The following LHFPL3 variants were observed in gnomAD, a reference collection of about 807,000 sequenced individuals.
LHFPL3 encodes LHFPL tetraspan subfamily member 3 protein.
In LHFPL3, 5 loss-of-function variants were observed where a neutral mutation model predicts 19.3. The observed-to-expected ratio is 0.26, with a 90% CI of 0.14 to 0.54. The LOEUF is 0.54. LHFPL3 is among the 20% of genes least tolerant of loss of function. The pLI, the probability that LHFPL3 is intolerant of heterozygous loss-of-function variation, is 0.94. For missense variants in LHFPL3, 249 were observed against 307.4 expected (o/e 0.81, Z 1.42); for synonymous variants, 133 against 126.2 (o/e 1.05, Z -0.36).
intron 2 of LHFPL3, among the ~76,000 whole-genome samples, chr7:104,903,110 T>G (rs1339923365): frequency 6.6e-6 from 1 of 152,110 alleles, no homozygotes; most frequent in Non-Finnish European, 1.5e-5. Context: ...CTAAAGTCCT[T>G]CCAACACTCA....
At chr7:104,658,091 G>A (rs1310122163) in intron 1 of LHFPL3, among the ~76,000 whole-genome samples, 1 of 152,154 alleles carries the variant, frequency 6.6e-6, no homozygotes, top group Non-Finnish European at 1.5e-5. Context: ...GTAAAATTAT[G>A]GAGAGCTTTC....
intron 1 of LHFPL3, among the ~76,000 whole-genome samples, chr7:104,366,256 G>A (rs1004480248): frequency 2.6e-5 from 4 of 152,190 alleles, no homozygotes; most frequent in South Asian, 4.2e-4. Flanking sequence ...ACCTGTGAGT[G>A]ATTGAAATGG....
At chr7:104,474,131 C>A (rs187197870) in intron 1 of LHFPL3, among the ~76,000 whole-genome samples, 78 of 152,252 alleles carry the variant, frequency 5.1e-4, no homozygotes, top group Non-Finnish European at 7.5e-4. Context: ...ATTCAAAGAC[C>A]TCCTGCTTCT....
chr7:104,626,008 A>G lies in LHFPL3; in HGVS notation c.446-110667A>G, dbSNP rs577135810. 2.6e-5 allele frequency among the ~76,000 whole-genome samples: 4 copies of G among 152,302 alleles called. No homozygotes were observed. The East Asian group carries it at 7.7e-4, about 29-fold the overall frequency. ...TGCCTGACAGGCCCTAATAAGTTCC[A>G]CTGTCACCCTTGGCATATATTCAGT... On this transcript the variant is annotated intron_variant, in intron 1 of 2. Coordinates refer to ENST00000424859, the MANE Select transcript of LHFPL3 (RefSeq NM_199000.3).
intron 2 of LHFPL3, among the ~76,000 whole-genome samples, chr7:104,748,022 G>C (rs1483822694): frequency 1.3e-5 from 2 of 152,086 alleles, no homozygotes; most frequent in East Asian, 1.9e-4. Context: ...AAATTCTTCT[G>C]CCTTGAGATT....
chr7:104,556,072 G>C (rs1562933304), intron 1 of LHFPL3, among the ~76,000 whole-genome samples: 1 of 152,222 alleles, frequency 6.6e-6, no homozygotes. Flanking sequence ...TGGCTTTTCA[G>C]GGTATAGCCT....
intron 1 of LHFPL3, among the ~76,000 whole-genome samples, chr7:104,487,228 C>T (rs1407519900): frequency 6.6e-6 from 1 of 152,200 alleles, no homozygotes; most frequent in Admixed American, 6.5e-5. Context: ...CAGCCTATTC[C>T]TGATTACACA....
chr7:104,532,062 C>G (rs1201240288), intron 1 of LHFPL3, among the ~76,000 whole-genome samples: 1 of 152,164 alleles, frequency 6.6e-6, no homozygotes, highest in Non-Finnish European at 1.5e-5. Flanking sequence ...GCTCAAAGGA[C>G]TACACACTTC....
At chr7:104,522,871 CAG>C (rs1462561002) in intron 1 of LHFPL3, among the ~76,000 whole-genome samples, 3 of 152,110 alleles carry the variant, frequency 2.0e-5, no homozygotes, top group African/African-American at 4.8e-5. Context: ...GGGACATGCA[CAG>C]AGTGTTCAGA....
chr7:104,638,105 C>T (rs2193197), intron 1 of LHFPL3, among the ~76,000 whole-genome samples: 1 of 151,816 alleles, frequency 6.6e-6, no homozygotes, highest in Non-Finnish European at 1.5e-5. Context: ...AGATGTTTCA[C>T]CCCCTGGTTA....
intron 1 of LHFPL3, among the ~76,000 whole-genome samples, chr7:104,596,256 A>C (rs1222141489): frequency 6.6e-6 from 1 of 152,236 alleles, no homozygotes; most frequent in African/African-American, 2.4e-5. Context: ...TGGCTCATAA[A>C]GGTGCATTTA....
intron 1 of LHFPL3, among the ~76,000 whole-genome samples, chr7:104,510,098 A>C (rs949459219): frequency 6.8e-6 from 1 of 147,454 alleles, no homozygotes; most frequent in Admixed American, 6.7e-5. Context: ...AACTGAATAC[A>C]TGAAGAGACA....
At chr7:104,892,656 A>C (rs1792273500) in intron 2 of LHFPL3, among the ~76,000 whole-genome samples, 3 of 142,330 alleles carry the variant, frequency 2.1e-5, no homozygotes, top group Admixed American at 1.5e-4. Context: ...GGTTGCAGTG[A>C]GCTGAGACCA....
chr7:104,336,890 C>G (rs962037724), intron 1 of LHFPL3, among the ~76,000 whole-genome samples: 6 of 151,870 alleles, frequency 4.0e-5, no homozygotes, highest in Non-Finnish European at 8.8e-5. Flanking sequence ...GGCCCTAACT[C>G]AGAAGCAGAC....
At chr7:104,823,320 C>A (rs575628977) in intron 2 of LHFPL3, among the ~76,000 whole-genome samples, 2 of 152,292 alleles carry the variant, frequency 1.3e-5, no homozygotes, top group African/African-American at 4.8e-5. Flanking sequence ...CTATGTGACC[C>A]ATGACAGCCA....
intron 2 of LHFPL3, among the ~76,000 whole-genome samples, chr7:104,807,362 G>A (rs1431859164): frequency 6.6e-6 from 1 of 152,082 alleles, no homozygotes; most frequent in Non-Finnish European, 1.5e-5. Context: ...CCACCAGAAG[G>A]AATCAATCCT....
At chr7:104,556,721 C>A (rs1359849651) in intron 1 of LHFPL3, among the ~76,000 whole-genome samples, 1 of 152,210 alleles carries the variant, frequency 6.6e-6, no homozygotes, top group Non-Finnish European at 1.5e-5. Context: ...GTTTGAATTT[C>A]TTCTCAGAAA....
chr7:104,449,754 G>C (rs1584327396), intron 1 of LHFPL3, among the ~76,000 whole-genome samples: 1 of 152,032 alleles, frequency 6.6e-6, no homozygotes, highest in Non-Finnish European at 1.5e-5. Flanking sequence ...ATCACTCCAG[G>C]GTGCTTTTCT....
At chr7:104,609,535 A>C (rs1340857625) in intron 1 of LHFPL3, among the ~76,000 whole-genome samples, 2 of 152,200 alleles carry the variant, frequency 1.3e-5, no homozygotes, top group Non-Finnish European at 1.5e-5. Flanking sequence ...TGAGCAAGAG[A>C]GGCAAAGAAT....
Sources: gnomAD v4.1 joint callset for allele counts (sites outside exome capture counted in the v4.1 genomes callset) on GRCh38, gnomAD v4.1.1 for gene constraint, MANE v1.5 for transcripts, NCBI Gene and HGNC (gene_info 2026-07-23, HGNC 2026-07-21) for gene names.